ADGRE3: variants seen among roughly 807,000 people sequenced by gnomAD.
The protein encoded by ADGRE3 is EGF-like module receptor 3.
ADGRE3 carries 88 observed loss-of-function variants against 80.1 expected under a neutral mutation model. The observed-to-expected ratio is 1.10, with a 90% CI of 0.93 to 1.31. The LOEUF (loss-of-function observed/expected upper bound fraction) is 1.31, where lower values mean the gene tolerates loss of function less well. ADGRE3 is among the 40% of genes most tolerant of loss of function. The pLI is 0.00. For missense variants in ADGRE3, 715 were observed against 776.5 expected, an observed-to-expected ratio of 0.92 and a Z score of 0.94; for synonymous variants, 281 against 294.8, an observed-to-expected ratio of 0.95 and a Z score of 0.48.
chr19:14,649,215 TCCC>T (rs1428602610), intron 7 of ADGRE3, among the ~76,000 whole-genome samples: 1 of 150,724 alleles, frequency 6.6e-6, no homozygotes, highest in African/African-American at 2.4e-5. Flanking sequence ...CATCTCTCTC[TCCC>T]CATCTCTCTC....
rs146371875 is a variant in ADGRE3, at chr19:14,634,072, C to T, written c.1485-770G>A. ...GATTACAGGCGTGAGCCACCACGCC[C>T]GGCCAACAATCAGCTTTGATTACAC... On this transcript the variant is annotated intron_variant, in intron 11 of 15. Coordinates refer to ENST00000253673, the MANE Select transcript of ADGRE3 (RefSeq NM_032571.5). Among the ~76,000 whole-genome samples, 678 of 152,128 alleles carry T rather than the reference C, an allele frequency of 4.5e-3. 3 individuals are homozygous for T. Among genetic ancestry groups the T allele is most frequent in the African/African-American group, 0.016 (662 of 41,510 alleles).
intron 2 of ADGRE3, among the ~76,000 whole-genome samples, chr19:14,665,682 G>A (rs1972073200): frequency 6.6e-6 from 1 of 151,284 alleles, no homozygotes; most frequent in Non-Finnish European, 1.5e-5. Context: ...TGTAGAGATG[G>A]GGTTCTTGCT....
At chr19:14,632,086 T>TA (rs1970899067) in intron 13 of ADGRE3, among the ~76,000 whole-genome samples, 1 of 152,208 alleles carries the variant, frequency 6.6e-6, no homozygotes, top group Admixed American at 6.6e-5. Flanking sequence ...TCTAGATTCT[T>TA]ATTGAACCTA....
intron 10 of ADGRE3, among the ~76,000 whole-genome samples, chr19:14,639,202 A>G (rs1310455832): frequency 6.6e-6 from 1 of 152,110 alleles, no homozygotes; most frequent in Non-Finnish European, 1.5e-5. Context: ...TAAAAGAGTG[A>G]ATTTTAAATG....
Position 14,636,896 on chromosome 19 carries a change from C to T in ADGRE3, c.1484+1209G>A, listed in dbSNP as rs143891072. ...ATCACCTGAGGTCAGGAGTTCAAGA[C>T]CAGCCTGGTCAACATGGTGAAACCC... is the stretch of plus-strand genomic sequence containing the variant. On this transcript the variant is annotated intron_variant, in intron 11 of 15. Transcript: ENST00000253673. Among the ~76,000 whole-genome samples the T allele has an allele frequency of 6.9e-3, 1,047 of 152,164 alleles. 11 individuals are homozygous for T. Among genetic ancestry groups the T allele is most frequent in the African/African-American group, 0.024 (993 of 41,498 alleles).
intron 13 of ADGRE3, among the ~76,000 whole-genome samples, chr19:14,632,062 A>G (rs1970898203): frequency 6.6e-6 from 1 of 152,220 alleles, no homozygotes; most frequent in South Asian, 2.1e-4. Flanking sequence ...AATATTATAC[A>G]AGATATCTTT....
rs1568471408 is a variant in ADGRE3, at chr19:14,620,540, TATATATATTATA to T, written c.1921-1081_1921-1070del. Among the ~76,000 whole-genome samples, 5 of 16,190 alleles carry T rather than the reference TATATATATTATA, an allele frequency of 3.1e-4. 1 individual carries two copies. The highest frequency in any genetic ancestry group is 7.3e-4 in the African/African-American group (2 of 2,754). The allele number at this position is 16,190 out of a possible 152,430, so 10.6% of individuals were successfully genotyped here. A position where few individuals can be genotyped will look rare whatever the true frequency, so the allele number is the denominator to read the frequency against. ...ACTATATATGAATATATATATTTTA[TATATATATTATA>T]TATATATATATATATATTTTTTTTT... is the stretch of plus-strand genomic sequence containing the variant. On this transcript the variant is annotated intron_variant, in intron 15 of 15. Coordinates refer to ENST00000253673, the MANE Select transcript of ADGRE3 (RefSeq NM_032571.5).
chr19:14,639,716 C>A (rs1420123098), intron 10 of ADGRE3, among the ~76,000 whole-genome samples: 1 of 152,030 alleles, frequency 6.6e-6, no homozygotes, highest in Non-Finnish European at 1.5e-5. Flanking sequence ...GTGTCTGGCC[C>A]AAGGGATTAT....
At chr19:14,615,445 T>C (rs2075069895), downstream of ADGRE3, among the ~76,000 whole-genome samples, 1 of 151,892 alleles carries the variant, frequency 6.6e-6, no homozygotes, top group Non-Finnish European at 1.5e-5. Context: ...TTTTTAAAAT[T>C]AAAAAAAATT....
chr19:14,620,568 A>ATATATATAT (rs1435435269), intron 15 of ADGRE3, among the ~76,000 whole-genome samples: 4 of 11,054 alleles, frequency 3.6e-4, no homozygotes, highest in Non-Finnish European at 4.4e-4. Context: ...ATATATATAT[A>ATATATATAT]TTTTTTTTTT....
At chr19:14,667,237 T>G (rs1026757752) in intron 2 of ADGRE3, among the ~76,000 whole-genome samples, 1 of 152,036 alleles carries the variant, frequency 6.6e-6, no homozygotes. Flanking sequence ...TGGAGTGAAA[T>G]GTGGCATGCC....
chr19:14,655,458 C>T (rs1388527161), intron 5 of ADGRE3, among the ~76,000 whole-genome samples: 1 of 151,846 alleles, frequency 6.6e-6, no homozygotes, highest in Non-Finnish European at 1.5e-5. Flanking sequence ...AAGGGTGAGT[C>T]ACTATTATTA....
chr19:14,643,594 G>A (rs746409427), intron 9 of ADGRE3, among the ~76,000 whole-genome samples: 2 of 152,134 alleles, frequency 1.3e-5, no homozygotes, highest in African/African-American at 2.4e-5. Flanking sequence ...CTTCACATGC[G>A]TTGTCATAAG....
In ADGRE3 at chr19:14,665,949, T is replaced by TATATATATATATGCATAC. The variant is rs1568500788; in HGVS notation, c.77-2410_77-2409insGTATGCATATATATATAT. Among the ~76,000 whole-genome samples, 5 of 104,252 alleles carry TATATATATATATGCATAC rather than the reference T, an allele frequency of 4.8e-5. 1 individual carries two copies. Among genetic ancestry groups the TATATATATATATGCATAC allele is most frequent in the Non-Finnish European group, 8.2e-5 (4 of 48,646 alleles). 68.4% of individuals were successfully genotyped at this position (104,252 alleles called of 152,430 possible). Reference sequence around the variant, plus strand: ...ACACACATATGTGTATATATATATATATATATATATATATATATATATATA... The same window carrying TATATATATATATGCATAC: ...ACACACATATGTGTATATATATATATATATATATATATGCATACATATATATATATATATATATATATA... On this transcript the variant is annotated intron_variant, in intron 2 of 15. Coordinates refer to ENST00000253673, the MANE Select transcript of ADGRE3 (RefSeq NM_032571.5).
chr19:14,635,082 C>T (rs1230144219), intron 11 of ADGRE3, among the ~76,000 whole-genome samples: 3 of 151,974 alleles, frequency 2.0e-5, no homozygotes, highest in Admixed American at 6.6e-5. Flanking sequence ...CATTCCTCGT[C>T]ATTGTTTATT....
At chr19:14,631,756 A>T (rs1192590473) in intron 13 of ADGRE3, among the ~76,000 whole-genome samples, 4 of 152,044 alleles carry the variant, frequency 2.6e-5, no homozygotes, top group African/African-American at 9.7e-5. Flanking sequence ...GTATAGTGTG[A>T]TCCTATTGTG....
At chr19:14,658,184 G>T (rs1298159254) in intron 5 of ADGRE3, among the ~76,000 whole-genome samples, 1 of 151,722 alleles carries the variant, frequency 6.6e-6, no homozygotes, top group Admixed American at 6.6e-5. Context: ...TAGTGAGCTG[G>T]ATAATGATAC....
intron 2 of ADGRE3, among the ~76,000 whole-genome samples, chr19:14,665,936 G>GTATATATATTCATACATATATATA (rs71166783): frequency 4.8e-5 from 2 of 42,104 alleles, no homozygotes; most frequent in Non-Finnish European, 8.0e-5. Flanking sequence ...ACACATATGT[G>GTATATATATTCATACATATATATA]TATATATATA....
At chr19:14,611,045 A>G in the ADGRE3 span, 9 of 151,972 alleles carry the variant, frequency 5.9e-5, no homozygotes, top group Middle Eastern at 3.4e-3. Context: ...TGGTGACAGA[A>G]AAATTTCCCT....
Sources: gnomAD v4.1 joint callset for allele counts (sites outside exome capture counted in the v4.1 genomes callset) on GRCh38, gnomAD v4.1.1 for gene constraint, MANE v1.5 for transcripts, NCBI Gene and HGNC (gene_info 2026-07-23, HGNC 2026-07-21) for gene names.